The following PARD3B variants were observed in gnomAD, a reference collection of about 807,000 sequenced individuals.
PARD3B encodes partitioning defective 3 homolog B.
In PARD3B, 103 loss-of-function variants were observed where a neutral mutation model predicts 130.2. The ratio of observed to expected loss-of-function variants is 0.79; its 90% CI spans 0.67 to 0.93. PARD3B has a LOEUF of 0.93. PARD3B is among the 40% of genes least tolerant of loss of function. The pLI, the probability that PARD3B is intolerant of heterozygous loss-of-function variation, is 0.00. For synonymous variants in PARD3B, 583 were observed against 553.2 expected (o/e 1.05, Z -0.76); for missense variants, 1,609 against 1,499.2 (o/e 1.07, Z -1.21).
intron 3 of PARD3B, among the ~76,000 whole-genome samples, chr2:204,990,014 G>A (rs547275942): frequency 6.6e-6 from 1 of 152,056 alleles, no homozygotes; most frequent in Non-Finnish European, 1.5e-5. Context: ...GCTTCCCACA[G>A]TAATTTTACT....
intron 16 of PARD3B, among the ~76,000 whole-genome samples, chr2:205,254,751 C>T (rs977120829): frequency 6.6e-6 from 1 of 150,806 alleles, no homozygotes; most frequent in Non-Finnish European, 1.5e-5. Flanking sequence ...GCAGGCTCCG[C>T]CCCCCGGGGT....
chr2:205,258,675 C>T lies in PARD3B; in HGVS notation c.2185+12853C>T, dbSNP rs1009446323. Among the ~76,000 whole-genome samples the T allele has an allele frequency of 3.3e-5, 5 of 152,134 alleles. No homozygotes were observed. Among genetic ancestry groups the T allele is most frequent in the African/African-American group, 7.2e-5 (3 of 41,432 alleles). On this transcript the variant is annotated intron_variant, in intron 16 of 22. Coordinates refer to ENST00000406610, the MANE Select transcript of PARD3B (RefSeq NM_001302769.2). This position sits in a 1 kb window ranked among gnomAD's most constrained non-coding sequence, Gnocchi z 4.9. ...ACTTGCTAAATCTTTTTTCTTGATA[C>T]GTCTTTTTGCATATTTTTGCTCTCA...
In PARD3B at chr2:205,304,635, C is replaced by CAA. The variant is rs34125638; in HGVS notation, c.2630+2948_2630+2949dup. On this transcript the variant is annotated intron_variant, in intron 18 of 22. Transcript: ENST00000406610. ...GGGCAACAAGAGCAAAACTCCATCT[C>CAA]AAAAAAAAAAAAAAATTCAGCTAGG... Among the ~76,000 whole-genome samples, 318 of 133,898 alleles carry CAA rather than the reference C, an allele frequency of 2.4e-3. 3 individuals are homozygous for CAA. The highest frequency in any genetic ancestry group is 4.2e-3 in the East Asian group (19 of 4,516). 87.8% of individuals were successfully genotyped at this position (133,898 alleles called of 152,430 possible).
At chr2:204,792,611 A>G (rs565135723) in intron 2 of PARD3B, among the ~76,000 whole-genome samples, 5 of 152,190 alleles carry the variant, frequency 3.3e-5, no homozygotes, top group Admixed American at 6.5e-5. Context: ...CCAGCATTCT[A>G]TCTCCACCAC....
intron 2 of PARD3B, among the ~76,000 whole-genome samples, chr2:204,849,851 A>C (rs1456442840): frequency 6.6e-6 from 1 of 152,078 alleles, no homozygotes; most frequent in Non-Finnish European, 1.5e-5. Context: ...GAGTTAAATG[A>C]GTTATTATTT....
chr2:205,379,019 G>A (rs1312059130), intron 18 of PARD3B, among the ~76,000 whole-genome samples: 1 of 151,940 alleles, frequency 6.6e-6, no homozygotes, highest in Non-Finnish European at 1.5e-5. Flanking sequence ...AGAGTTATCA[G>A]TAGGTTCCTT....
intron 18 of PARD3B, among the ~76,000 whole-genome samples, chr2:205,329,252 G>A (rs2043031831): frequency 6.6e-6 from 1 of 152,028 alleles, no homozygotes; most frequent in Non-Finnish European, 1.5e-5. Context: ...AGAGAGCAAA[G>A]ACTACAATTT....
At chr2:205,022,438 T>A (rs1035521957) in intron 3 of PARD3B, among the ~76,000 whole-genome samples, 4 of 152,192 alleles carry the variant, frequency 2.6e-5, no homozygotes, top group African/African-American at 9.6e-5. Flanking sequence ...ACAAAATAGA[T>A]TTTGGATTGA....
At position 205,585,930 on chromosome 2, in the gene PARD3B, A is replaced by G. The variant is rs1276082436; in HGVS notation, c.3261-29526A>G. On this transcript the variant is annotated intron_variant, in intron 22 of 22. Coordinates refer to ENST00000406610, the MANE Select transcript of PARD3B (RefSeq NM_001302769.2). The surrounding 1 kb of genome is among the most constrained non-coding windows in gnomAD (Gnocchi z 5.4). ...ATTCAACAGAGCAGCCTACGTCCACAATAAACCAACAGTCCAGGCATTGGT... is the reference window on the plus strand; with the variant it reads ...ATTCAACAGAGCAGCCTACGTCCACGATAAACCAACAGTCCAGGCATTGGT... Among the ~76,000 whole-genome samples, 2 of 152,202 alleles carry G rather than the reference A, an allele frequency of 1.3e-5. No individual in the cohort carries two copies. The highest frequency in any genetic ancestry group is 3.9e-4 in the East Asian group (2 of 5,194).
intron 18 of PARD3B, among the ~76,000 whole-genome samples, chr2:205,312,234 AGCCAATGTAGCCAG>A (rs1465564251): frequency 6.6e-6 from 1 of 152,178 alleles, no homozygotes; most frequent in Non-Finnish European, 1.5e-5. Flanking sequence ...AGGGTAACTG[AGCCAATGTAGCCAG>A]GCCAATGAAA....
At chr2:204,937,338 C>G (rs1480676235) in intron 2 of PARD3B, among the ~76,000 whole-genome samples, 3 of 152,196 alleles carry the variant, frequency 2.0e-5, no homozygotes, top group Non-Finnish European at 4.4e-5. Flanking sequence ...TCAGCTTGGT[C>G]TGGGGATCCT....
chr2:204,942,704 A>G (rs917837881), intron 2 of PARD3B, among the ~76,000 whole-genome samples: 1 of 152,120 alleles, frequency 6.6e-6, no homozygotes, highest in Non-Finnish European at 1.5e-5. Flanking sequence ...TGTGTAGCAA[A>G]TTTTCTATGT....
chr2:204,858,930 C>T lies in PARD3B; in HGVS notation c.223-106222C>T, dbSNP rs1050079160. ...GAGTATTTATTGCTTTTAACCCTCA[C>T]AAAATTATGCATCATTCTCATGTTT... On this transcript the variant is annotated intron_variant, in intron 2 of 22. Coordinates refer to ENST00000406610, the MANE Select transcript of PARD3B (RefSeq NM_001302769.2). Among the ~76,000 whole-genome samples the T allele has an allele frequency of 5.9e-5, 9 of 151,612 alleles. No individual in the cohort carries two copies. In the East Asian group the frequency reaches 1.7e-3, roughly 29 times the overall value.
intron 2 of PARD3B, among the ~76,000 whole-genome samples, chr2:204,739,991 T>C (rs766586964): frequency 1.3e-5 from 2 of 151,858 alleles, no homozygotes; most frequent in Non-Finnish European, 2.9e-5. Context: ...AATTCTGTTT[T>C]CTTTCTTTCT....
chr2:205,330,139 G>A (rs978046812), intron 18 of PARD3B, among the ~76,000 whole-genome samples: 4 of 151,914 alleles, frequency 2.6e-5, no homozygotes, highest in African/African-American at 4.8e-5. Flanking sequence ...TCAGGAGTTC[G>A]AGACCAGCCT....
At chr2:205,347,274 G>GA (rs1250378715) in intron 18 of PARD3B, among the ~76,000 whole-genome samples, 4 of 151,996 alleles carry the variant, frequency 2.6e-5, no homozygotes, top group Non-Finnish European at 4.4e-5. Context: ...AACTCAAGAT[G>GA]ATCAGTGATC....
chr2:205,507,818 T>C (rs560271493), intron 21 of PARD3B, among the ~76,000 whole-genome samples: 1 of 152,250 alleles, frequency 6.6e-6, no homozygotes, highest in Non-Finnish European at 1.5e-5. Flanking sequence ...AGATCTATTA[T>C]CAAACTTAAA....
Position 205,258,513 on chromosome 2 carries a change from T to C in PARD3B, c.2185+12691T>C, listed in dbSNP as rs1355993645. On this transcript the variant is annotated intron_variant, in intron 16 of 22. Coordinates refer to ENST00000406610, the MANE Select transcript of PARD3B (RefSeq NM_001302769.2). This position sits in a 1 kb window ranked among gnomAD's most constrained non-coding sequence, Gnocchi z 4.9. ...AGAGCTAATCACAGTCTGTAGTAAA[T>C]GTGTGTGCATTTATTGATGTATGTA... is the stretch of plus-strand genomic sequence containing the variant. 2.6e-5 allele frequency among the ~76,000 whole-genome samples: 4 copies of C among 152,188 alleles called. No homozygotes were observed. The highest frequency in any genetic ancestry group is 2.6e-4 in the Admixed American group (4 of 15,274).
At chr2:205,085,090 A>G (rs553760841) in intron 4 of PARD3B, among the ~76,000 whole-genome samples, 2 of 152,162 alleles carry the variant, frequency 1.3e-5, no homozygotes, top group South Asian at 4.1e-4. Context: ...CAATCTCCTT[A>G]TAATTGTATC....
Sources: gnomAD v4.1 joint callset for allele counts (sites outside exome capture counted in the v4.1 genomes callset) on GRCh38, gnomAD v4.1.1 for gene constraint, Gnocchi (gnomAD v3.1) non-coding constraint, MANE v1.5 for transcripts, NCBI Gene and HGNC (gene_info 2026-07-23, HGNC 2026-07-21) for gene names.